ZNF653: variants seen among roughly 807,000 people sequenced by gnomAD.
ZNF653 encodes 67 kDa zinc finger protein.
In ZNF653, 37 loss-of-function variants were observed where a neutral mutation model predicts 59.9. The ratio of observed to expected loss-of-function variants is 0.62; its 90% CI spans 0.48 to 0.81. The LOEUF is 0.81. Ranked by LOEUF, ZNF653 falls within the 40% of genes least tolerant of loss-of-function variation. The pLI, the probability that ZNF653 is intolerant of heterozygous loss-of-function variation, is 0.00. For synonymous variants in ZNF653, 435 were observed against 371.8 expected (o/e 1.17, Z -1.96); for missense variants, 808 against 881.1 (o/e 0.92, Z 1.05).
At chr19:11,497,102 C>A (rs1215477790) in intron 2 of ZNF653, among the ~76,000 whole-genome samples, 1 of 152,232 alleles carries the variant, frequency 6.6e-6, no homozygotes, top group Admixed American at 6.5e-5. Flanking sequence ...CAAATGCATC[C>A]CCTCCAAGAG....
At chr19:11,496,214 A>G in intron 2 of ZNF653, 49 bp from the exon 3 acceptor site, 2 of 1,570,842 alleles carry the variant, frequency 1.3e-6, no homozygotes, top group Non-Finnish European at 1.7e-6. Context: ...GGCTCAGCCC[A>G]TGGTGACATG....
chr19:11,488,551 G>A (rs970415757), intron 3 of ZNF653, among the ~76,000 whole-genome samples: 2 of 151,814 alleles, frequency 1.3e-5, no homozygotes, highest in Non-Finnish European at 2.9e-5. Context: ...CTCCCAAAGT[G>A]TTAGAATGAC....
Position 11,483,477 on chromosome 19 carries a change from C to T in ZNF653, c.*205G>A, listed in dbSNP as rs1262108914. ...CTCTGCTCTCTTGACACAGTTCCAGCAATGCAGCCCCAGGCACCAGCTCCG... is the reference window on the plus strand; with the variant it reads ...CTCTGCTCTCTTGACACAGTTCCAGTAATGCAGCCCCAGGCACCAGCTCCG... On this transcript the variant is annotated 3_prime_UTR_variant, in exon 9 of 9. Coordinates refer to ENST00000293771, the MANE Select transcript of ZNF653 (RefSeq NM_138783.4). 8 of 1,384,272 alleles carry T rather than the reference C, an allele frequency of 5.8e-6. No individual in the cohort carries two copies. The African/African-American group carries it at 6.0e-5, about 10-fold the overall frequency. The allele number at this position is 1,384,272 out of a possible 1,614,324, so 85.7% of individuals were successfully genotyped here. A position where few individuals can be genotyped will look rare whatever the true frequency, so the allele number is the denominator to read the frequency against.
chr19:11,494,395 A>G (rs1223902703), intron 3 of ZNF653, among the ~76,000 whole-genome samples: 1 of 150,926 alleles, frequency 6.6e-6, no homozygotes, highest in Non-Finnish European at 1.5e-5. Flanking sequence ...ATAACATAAC[A>G]TAACATAACA....
chr19:11,487,868 A>T lies in ZNF653; in HGVS notation c.595T>A (p.Ser199Thr). 1 of 1,605,740 alleles carries T rather than the reference A, an allele frequency of 6.2e-7. No homozygotes were observed. The highest frequency in any genetic ancestry group is 8.5e-7 in the Non-Finnish European group (1 of 1,175,024). Residue 199 changes from serine to threonine, a missense_variant, in exon 4 of 9, where the codon TCC becomes ACC. Transcript: ENST00000293771. This position sits in a 1 kb window ranked among gnomAD's most constrained non-coding sequence, Gnocchi z 5.1. The part of the protein sequence containing the change: ...NGLVAGSSDS[S>T]SSGSASDSEE... ...GAGTCAGAGGCAGAGCCAGAGCTGGATGAGTCAGAGCTGCCAGCCACCAGC... is the reference window on the plus strand; with the variant it reads ...GAGTCAGAGGCAGAGCCAGAGCTGGTTGAGTCAGAGCTGCCAGCCACCAGC...
At position 11,495,728 on chromosome 19, in the gene ZNF653, C is replaced by T. The variant is rs941799974; in HGVS notation, c.559+222G>A. 146 of 562,772 alleles carry T rather than the reference C, an allele frequency of 2.6e-4. No homozygotes were observed. Among genetic ancestry groups the T allele is most frequent in the Admixed American group, 6.5e-4 (21 of 32,554 alleles). The allele number at this position is 562,772 out of a possible 1,614,324, so 34.9% of individuals were successfully genotyped here. ...CTTGGGCACAGATTGGCAAACTGCTCCATAAAGAGGGACTGCCTCCCCACT... is the reference window on the plus strand; with the variant it reads ...CTTGGGCACAGATTGGCAAACTGCTTCATAAAGAGGGACTGCCTCCCCACT... On this transcript the variant is annotated intron_variant, in intron 3 of 8. Transcript: ENST00000293771. This position sits in a 1 kb window ranked among gnomAD's most constrained non-coding sequence, Gnocchi z 4.9.
At chr19:11,501,175 CTT>C (rs1182295206) in intron 1 of ZNF653, among the ~76,000 whole-genome samples, 4 of 143,546 alleles carry the variant, frequency 2.8e-5, no homozygotes, top group African/African-American at 1.0e-4. Context: ...TTCCCCATAT[CTT>C]TTTTTTTTTT....
chr19:11,487,205 G>A lies in ZNF653; in HGVS notation c.1172-47C>T, dbSNP rs780926904. On this transcript the variant is annotated intron_variant, in intron 4 of 8. Coordinates refer to ENST00000293771, the MANE Select transcript of ZNF653 (RefSeq NM_138783.4). This position sits in a 1 kb window ranked among gnomAD's most constrained non-coding sequence, Gnocchi z 5.1. ...GTGTCCGCAGGGGACGAAGGCTGCC[G>A]AGGTGCCCACTTCGAGGGCCATTCC... 17 of 1,603,518 alleles carry A rather than the reference G, an allele frequency of 1.1e-5. No individual in the cohort carries two copies. Among genetic ancestry groups the A allele is most frequent in the Middle Eastern group, 1.7e-4 (1 of 6,044 alleles).
intron 3 of ZNF653, among the ~76,000 whole-genome samples, chr19:11,488,838 C>T (rs372609845): frequency 4.6e-5 from 7 of 151,740 alleles, no homozygotes; most frequent in East Asian, 1.9e-4. Flanking sequence ...CCTTATGATC[C>T]GCCCACCTCG....
At chr19:11,493,428 C>T (rs1161586316) in intron 3 of ZNF653, among the ~76,000 whole-genome samples, 1 of 152,132 alleles carries the variant, frequency 6.6e-6, no homozygotes, top group East Asian at 1.9e-4. Flanking sequence ...AGTATGTACC[C>T]TGTAAGTTTC....
In ZNF653 at chr19:11,495,914, G is replaced by A. The variant is rs1386822850; in HGVS notation, c.559+36C>T. ...GGCTCGTAAGAAGCCCCCAGAAATG[G>A]GCGGCCCCCTATGTGCCCTCGCCCT... is the stretch of plus-strand genomic sequence containing the variant. On this transcript the variant is annotated intron_variant, in intron 3 of 8. Transcript: ENST00000293771. The surrounding 1 kb of genome is among the most constrained non-coding windows in gnomAD (Gnocchi z 4.9). 6.3e-7 allele frequency: 1 copy of A among 1,593,064 alleles called. No homozygotes were observed. Among genetic ancestry groups the A allele is most frequent in the Non-Finnish European group, 8.6e-7 (1 of 1,168,122 alleles).
intron 3 of ZNF653, among the ~76,000 whole-genome samples, chr19:11,490,101 C>CT (rs1397425518): frequency 3.9e-5 from 6 of 152,232 alleles, no homozygotes; most frequent in Non-Finnish European, 7.3e-5. Flanking sequence ...CCCTGTATGT[C>CT]TGACCAATGG....
intron 7 of ZNF653, among the ~76,000 whole-genome samples, chr19:11,485,346 G>T (rs1421914367): frequency 6.6e-6 from 1 of 152,116 alleles, no homozygotes; most frequent in East Asian, 1.9e-4. Flanking sequence ...CAATCTGGAA[G>T]AGCAGTGGCG....
chr19:11,483,961 T>C (rs903833824), intron 8 of ZNF653, 81 bp downstream of exon 8: 41 of 1,524,306 alleles, frequency 2.7e-5, no homozygotes, highest in South Asian at 1.7e-4. Context: ...AGACACTGCG[T>C]TGGGGCGAAG....
rs1179315055 is a variant in ZNF653 at position 11,484,498 on chromosome 19, C to T, written c.1571-357G>A. On this transcript the variant is annotated intron_variant, in intron 7 of 8. Transcript: ENST00000293771. ...CTTACCGCAACCACAACCTTGGTCT[C>T]GCGGGTTCAAGCGATTCTTCTGCCT... is the stretch of plus-strand genomic sequence containing the variant. Among the ~76,000 whole-genome samples, 4 of 152,166 alleles carry T rather than the reference C, an allele frequency of 2.6e-5. No homozygotes were observed. The East Asian group carries it at 5.9e-4, about 22-fold the overall frequency.
intron 3 of ZNF653, among the ~76,000 whole-genome samples, chr19:11,491,868 C>T (rs982402299): frequency 2.6e-5 from 4 of 152,048 alleles, no homozygotes; most frequent in African/African-American, 7.2e-5. Flanking sequence ...TGAGCCACCG[C>T]ACCCGGCCGG....
rs771360099 is a variant in ZNF653 at position 11,485,789 on chromosome 19, G to A, written c.1456-19C>T. On this transcript the variant is annotated intron_variant, in intron 6 of 8. Transcript: ENST00000293771. ...CGTGGTTCTGGAGACGAGACAGGCA[G>A]AAGTGGGTCCCATAGGCCCACAGAA... 6.3e-7 allele frequency: 1 copy of A among 1,599,672 alleles called. No homozygotes were observed. The highest frequency in any genetic ancestry group is 1.1e-5 in the South Asian group (1 of 90,758).
At chr19:11,502,077 G>C (rs1180180689) in intron 1 of ZNF653, among the ~76,000 whole-genome samples, 1 of 151,640 alleles carries the variant, frequency 6.6e-6, no homozygotes, top group Admixed American at 6.6e-5. Flanking sequence ...ATAGGCGTGA[G>C]CCATCGCGCC....
At chr19:11,494,992 C>T (rs1971570246) in intron 3 of ZNF653, among the ~76,000 whole-genome samples, 1 of 152,328 alleles carries the variant, frequency 6.6e-6, no homozygotes, top group African/African-American at 2.4e-5. Flanking sequence ...GAGAGCCTGG[C>T]CGACACTTGG....
Sources: gnomAD v4.1 joint callset for allele counts (sites outside exome capture counted in the v4.1 genomes callset) on GRCh38, gnomAD v4.1.1 for gene constraint, Gnocchi (gnomAD v3.1) non-coding constraint, MANE v1.5 for transcripts, NCBI Gene and HGNC (gene_info 2026-07-23, HGNC 2026-07-21) for gene names.